The following SVEP1 variants were observed in gnomAD, a reference collection of about 807,000 sequenced individuals.
The protein encoded by SVEP1 is sushi, von Willebrand factor type A, EGF and pentraxin domain containing 1.
A neutral mutation model predicts 367.3 loss-of-function variants in SVEP1; 164 were observed. The ratio of observed to expected loss-of-function variants is 0.45; its 90% CI spans 0.39 to 0.51. SVEP1 has a LOEUF of 0.51. Ranked by LOEUF, SVEP1 falls within the 20% of genes least tolerant of loss-of-function variation. The probability of loss-of-function intolerance (pLI) is 0.00; values close to 1 mark genes in which losing one functional copy is unlikely to be tolerated. For missense variants in SVEP1, 4,117 were observed against 4,425.3 expected, an observed-to-expected ratio of 0.93 and a Z score of 1.98; for synonymous variants, 1,666 against 1,611.6, an observed-to-expected ratio of 1.03 and a Z score of -0.81.
chr9:110,475,275 G>A (rs1564153372), intron 14 of SVEP1, among the ~76,000 whole-genome samples: 2 of 152,080 alleles, frequency 1.3e-5, no homozygotes, highest in African/African-American at 2.4e-5. Flanking sequence ...GCCGTAATGC[G>A]AATTAATACT....
At position 110,503,340 on chromosome 9, in the gene SVEP1, A is replaced by G; in HGVS notation, c.1304-123T>C. On this transcript the variant is annotated intron_variant, in intron 5 of 47. Coordinates refer to ENST00000374469, the MANE Select transcript of SVEP1 (RefSeq NM_153366.4). ...TTTTCTTTTCTTAAAATAGCAAACG[A>G]CACATAATACACCACCATTTTTTGA... 3.4e-6 allele frequency: 3 copies of G among 875,934 alleles called. No homozygotes were observed. In the South Asian group the frequency reaches 5.3e-5, roughly 16 times the overall value. The allele number at this position is 875,934 out of a possible 1,614,324, so 54.3% of individuals were successfully genotyped here.
intron 1 of SVEP1, among the ~76,000 whole-genome samples, chr9:110,555,825 C>T (rs1830350429): frequency 6.6e-6 from 1 of 152,146 alleles, no homozygotes; most frequent in Admixed American, 6.6e-5. Flanking sequence ...TCGCCCCAAT[C>T]TTTGTGCTTC....
At position 110,499,021 on chromosome 9, in the gene SVEP1, T is replaced by C. The variant is rs1829491564; in HGVS notation, c.1681+20A>G. The C allele has an allele frequency of 2.5e-6, 4 of 1,598,028 alleles. No individual in the cohort carries two copies. The South Asian group carries it at 4.5e-5, about 18-fold the overall frequency. ...ATATTAAAAAATTTGATTTTTAGCC[T>C]GACTAGTGTAGAGACCTACCTTTAC... On this transcript the variant is annotated intron_variant, in intron 7 of 47. Transcript: ENST00000374469.
Position 110,472,218 on chromosome 9 carries a change from C to T in SVEP1, c.2705G>A (p.Arg902Gln), listed in dbSNP as rs760562140. The stretch of plus-strand genomic sequence containing the variant: ...AGATAATGGGGCACTTCTTTTAATC[C>T]GTGAGGACTTGGCATTGCCGATGCT... ...ATSIGNAKSS[R>Q]IKRSAPLSDY... Residue 902 changes from arginine (R) to glutamine (Q), a missense_variant, in exon 15 of 48, where the codon CGG (arginine) becomes CAG (glutamine). Coordinates refer to ENST00000374469, the MANE Select transcript of SVEP1 (RefSeq NM_153366.4). The T allele has an allele frequency of 8.7e-6, 14 of 1,613,296 alleles. 1 individual carries two copies. Among genetic ancestry groups the T allele is most frequent in the African/African-American group, 4.0e-5 (3 of 74,866 alleles).
chr9:110,565,798 C>T (rs1242862650), intron 1 of SVEP1, among the ~76,000 whole-genome samples: 1 of 151,882 alleles, frequency 6.6e-6, no homozygotes, highest in East Asian at 1.9e-4. Context: ...TGCCTCCTGA[C>T]TTTGCAATGA....
intron 39 of SVEP1, among the ~76,000 whole-genome samples, chr9:110,403,056 G>A (rs1377882562): frequency 6.6e-6 from 1 of 151,958 alleles, no homozygotes; most frequent in Non-Finnish European, 1.5e-5. Context: ...GGAATATAAG[G>A]TCATAGAACC....
At chr9:110,397,127 T>A (rs1158909775) in intron 40 of SVEP1, among the ~76,000 whole-genome samples, 2 of 152,078 alleles carry the variant, frequency 1.3e-5, no homozygotes, top group Non-Finnish European at 2.9e-5. Flanking sequence ...CAGAAGCACA[T>A]CAAAAAGCTT....
intron 9 of SVEP1, among the ~76,000 whole-genome samples, chr9:110,488,383 T>A (rs1192325053): frequency 6.6e-6 from 1 of 151,774 alleles, no homozygotes; most frequent in East Asian, 1.9e-4. Context: ...CAGAGAGAGA[T>A]AGAGAAGACC....
chr9:110,558,454 C>T (rs1429515354), intron 1 of SVEP1, among the ~76,000 whole-genome samples: 1 of 137,910 alleles, frequency 7.3e-6, no homozygotes, highest in African/African-American at 2.8e-5. Flanking sequence ...GTGAATGTTG[C>T]AGTAAGTCAT....
intron 13 of SVEP1, among the ~76,000 whole-genome samples, chr9:110,477,236 A>T (rs1264981535): frequency 6.6e-6 from 1 of 152,048 alleles, no homozygotes; most frequent in African/African-American, 2.4e-5. Flanking sequence ...AGAATGTATA[A>T]TCCATCGACC....
At chr9:110,531,650 C>G (rs945743716) in intron 3 of SVEP1, among the ~76,000 whole-genome samples, 1 of 152,148 alleles carries the variant, frequency 6.6e-6, no homozygotes, top group South Asian at 2.1e-4. Context: ...TACCCAGTCT[C>G]AGGTATATCA....
chr9:110,503,022 C>T lies in SVEP1; in HGVS notation c.1483+16G>A, dbSNP rs771805651. 3 of 1,604,592 alleles carry T rather than the reference C, an allele frequency of 1.9e-6. No homozygotes were observed. Among genetic ancestry groups the T allele is most frequent in the Non-Finnish European group, 1.7e-6 (2 of 1,176,108 alleles). ...GAAATGAATCACTCAAGGCATTACACCTTCTAGAAACTTACCCACACACCG... is the reference window on the plus strand; with the variant it reads ...GAAATGAATCACTCAAGGCATTACATCTTCTAGAAACTTACCCACACACCG... On this transcript the variant is annotated intron_variant, in intron 6 of 47. Coordinates refer to ENST00000374469, the MANE Select transcript of SVEP1 (RefSeq NM_153366.4).
chr9:110,392,840 T>C (rs187935293), intron 40 of SVEP1, among the ~76,000 whole-genome samples: 1 of 152,364 alleles, frequency 6.6e-6, no homozygotes, highest in East Asian at 1.9e-4. Context: ...TGGTCTCATC[T>C]TGACCTGTGG....
At chr9:110,537,154 C>A (rs912133892) in intron 3 of SVEP1, among the ~76,000 whole-genome samples, 2 of 151,888 alleles carry the variant, frequency 1.3e-5, no homozygotes. Flanking sequence ...TCAGGAGGAA[C>A]TCCAAGAATT....
chr9:110,377,598 TTG>T (rs1827367943), intron 44 of SVEP1, among the ~76,000 whole-genome samples: 2 of 152,302 alleles, frequency 1.3e-5, no homozygotes, highest in South Asian at 4.1e-4. Flanking sequence ...CAAATAAAAA[TTG>T]TATATATTTT....
At chr9:110,385,258 G>A (rs1049067899) in intron 43 of SVEP1, among the ~76,000 whole-genome samples, 11 of 152,346 alleles carry the variant, frequency 7.2e-5, no homozygotes, top group Admixed American at 3.9e-4. Flanking sequence ...TGGGATTACA[G>A]GTGTGAGCCA....
rs1827201387 is a variant in SVEP1 at position 110,366,485 on chromosome 9, A to AGAGATGAT, written c.*53_*54insATCATCTC. 1.3e-6 allele frequency: 2 copies of AGAGATGAT among 1,484,554 alleles called. No individual in the cohort carries two copies. The highest frequency in any genetic ancestry group is 2.8e-5 in the African/African-American group (2 of 70,512). 92.0% of individuals were successfully genotyped at this position (1,484,554 alleles called of 1,614,324 possible). A position where few individuals can be genotyped will look rare whatever the true frequency, so the allele number is the denominator to read the frequency against. ...TGCATAAGTTCCAGGATGCCCAGGC[A>AGAGATGAT]CTACCGAGGAGAGATGATCCTGCTT... On this transcript the variant is annotated 3_prime_UTR_variant, in exon 48 of 48. Transcript: ENST00000374469.
In SVEP1 at chr9:110,455,593, T is replaced by C. The variant is rs751957070; in HGVS notation, c.3784A>G (p.Thr1262Ala). The change falls in exon 22 of 48, where the codon ACA (threonine) becomes GCA (alanine). Residue 1262 changes from threonine (T) to alanine (A), a missense_variant. Physicochemically the swap from Thr to Ala is moderately conservative, Grantham distance 58. Coordinates refer to ENST00000374469, the MANE Select transcript of SVEP1 (RefSeq NM_153366.4). ...EFICECPSGY[T>A]GQRCEENINE... The stretch of plus-strand genomic sequence containing the variant: ...AAACAGGAGACCTTCCCCTTACCTG[T>C]GTAACCTGATGGGCACTCACAAATG... The C allele has an allele frequency of 3.7e-6, 6 of 1,612,472 alleles. No individual in the cohort carries two copies. In the South Asian group the frequency reaches 5.5e-5, roughly 15 times the overall value.
intron 46 of SVEP1, among the ~76,000 whole-genome samples, chr9:110,370,770 G>C (rs1284662609): frequency 6.6e-6 from 1 of 152,098 alleles, no homozygotes; most frequent in South Asian, 2.1e-4. Flanking sequence ...TGAATTTTTA[G>C]CAAGTGTAAC....
Sources: allele counts gnomAD v4.1 joint callset (sites outside exome capture counted in the v4.1 genomes callset), GRCh38; gene constraint gnomAD v4.1.1; transcripts MANE v1.5; gene names NCBI Gene and HGNC (gene_info 2026-07-23, HGNC 2026-07-21).